CHAF1B: variants seen among roughly 807,000 people sequenced by gnomAD.
CHAF1B encodes the protein CAF-1 subunit B.
In CHAF1B, 10 loss-of-function variants were observed where a neutral mutation model predicts 60.7. That is an observed-to-expected ratio of 0.16 (90% CI 0.10 to 0.28). The LOEUF is 0.28. Ranked by LOEUF, CHAF1B falls within the 10% of genes least tolerant of loss-of-function variation. The pLI is 1.00. For synonymous variants in CHAF1B, 261 were observed against 266.1 expected, an observed-to-expected ratio of 0.98 and a Z score of 0.19; for missense variants, 558 against 708.4, an observed-to-expected ratio of 0.79 and a Z score of 2.41.
In CHAF1B at chr21:36,400,509, A is replaced by G. The variant is rs577213737; in HGVS notation, c.663+904A>G. Among the ~76,000 whole-genome samples the G allele has an allele frequency of 2.0e-5, 3 of 152,202 alleles. No individual in the cohort carries two copies. The East Asian group carries it at 5.8e-4, about 29-fold the overall frequency. The stretch of plus-strand genomic sequence containing the variant: ...TAAATAAAAATAAAATAAAAATAAA[A>G]ATATGGATGCCTTGGCCCCAACCTG... On this transcript the variant is annotated intron_variant, in intron 7 of 13. Coordinates refer to ENST00000314103, the MANE Select transcript of CHAF1B (RefSeq NM_005441.3).
In CHAF1B at chr21:36,418,891, T is replaced by A. The variant is rs919830591; in HGVS notation, c.*2525T>A. 1.6e-4 allele frequency: 25 copies of A among 152,030 alleles called. No individual in the cohort carries two copies. The highest frequency in any genetic ancestry group is 5.1e-4 in the African/African-American group (21 of 41,382). The allele number at this position is 152,030 out of a possible 1,614,324, so 9.4% of individuals were successfully genotyped here. A position where few individuals can be genotyped will look rare whatever the true frequency, so the allele number is the denominator to read the frequency against. Reference sequence around the variant, plus strand: ...GAAAAAGAAGAACAGTATTAGGTTTTACAAATCTGTTTCTTGTGCATTGAT... The same window carrying A: ...GAAAAAGAAGAACAGTATTAGGTTTAACAAATCTGTTTCTTGTGCATTGAT... On this transcript the variant is annotated 3_prime_UTR_variant, in exon 14 of 14. Transcript: ENST00000314103.
intron 11 of CHAF1B, among the ~76,000 whole-genome samples, 156 bp downstream of exon 11, chr21:36,411,760 ACT>A (rs112147556): frequency 2.0e-5 from 3 of 151,662 alleles, no homozygotes; most frequent in East Asian, 1.9e-4. Context: ...ACCAAGTATC[ACT>A]CTGTCACCCG....
In CHAF1B at chr21:36,386,077, C is replaced by G. The variant is rs2086029616; in HGVS notation, c.-60C>G. 1.2e-6 allele frequency: 2 copies of G among 1,602,610 alleles called. No individual in the cohort carries two copies. Among genetic ancestry groups the G allele is most frequent in the Non-Finnish European group, 1.7e-6 (2 of 1,172,714 alleles). ...ATCACCAGCATTTTGCAGCTTTCTCCTGTCTTGAAGAAGTAGAACGGTGCC... is the reference window on the plus strand; with the variant it reads ...ATCACCAGCATTTTGCAGCTTTCTCGTGTCTTGAAGAAGTAGAACGGTGCC... On this transcript the variant is annotated 5_prime_UTR_variant, in exon 2 of 14. Transcript: ENST00000314103.
At position 36,408,344 on chromosome 21, in the gene CHAF1B, A is replaced by G. The variant is rs577834157; in HGVS notation, c.758-417A>G. 3.2e-3 allele frequency among the ~76,000 whole-genome samples: 494 copies of G among 152,288 alleles called. 5 individuals are homozygous for G. The highest frequency in any genetic ancestry group is 3.3e-3 in the East Asian group (17 of 5,164). ...GGGAAGTTGGGGAAAGGCGAGTCTC[A>G]GCCTTTGGATGGCATCCAAGGCTGG... On this transcript the variant is annotated intron_variant, in intron 8 of 13. Coordinates refer to ENST00000314103, the MANE Select transcript of CHAF1B (RefSeq NM_005441.3).
At position 36,387,733 on chromosome 21, in the gene CHAF1B, G is replaced by A; in HGVS notation, c.259+3G>A. 6.2e-7 allele frequency: 1 copy of A among 1,613,790 alleles called. No individual in the cohort carries two copies. Among genetic ancestry groups the A allele is most frequent in the Non-Finnish European group, 8.5e-7 (1 of 1,179,836 alleles). ...AATTTTAGCATCGGGAGGAGATGGT[G>A]AGTATTGCTGTCCTTCAGAGATTCT... is the stretch of plus-strand genomic sequence containing the variant. On this transcript the variant is annotated splice_donor_region_variant and intron_variant, in intron 3 of 13. Coordinates refer to ENST00000314103, the MANE Select transcript of CHAF1B (RefSeq NM_005441.3).
Position 36,409,462 on chromosome 21 carries a change from A to G in CHAF1B, c.916A>G (p.Thr306Ala). Residue 306 changes from threonine (T) to alanine (A), a missense_variant, in exon 10 of 14, where the codon ACA becomes GCA. By Grantham distance (58) the Thr-to-Ala change is moderately conservative. Around this residue, in one of 2 missense-constraint regions of CHAF1B, gnomAD observed 325 missense variants for 493.5 expected, o/e 0.66. Transcript: ENST00000314103. ...CTTTGAACTGAGGCCAGTGGTGGAAACAGGTATCCTCAGAGCCTCAGGGGT... is the reference window on the plus strand; with the variant it reads ...CTTTGAACTGAGGCCAGTGGTGGAAGCAGGTATCCTCAGAGCCTCAGGGGT... Reference protein sequence around the residue: ...VYFELRPVVETGVELMSLPYR... With the variant: ...VYFELRPVVEAGVELMSLPYR... The G allele has an allele frequency of 6.2e-7, 1 of 1,611,964 alleles. No individual in the cohort carries two copies. Among genetic ancestry groups the G allele is most frequent in the Non-Finnish European group, 8.5e-7 (1 of 1,178,210 alleles).
At chr21:36,414,335 C>T (rs1338070039) in intron 12 of CHAF1B, among the ~76,000 whole-genome samples, 1 of 152,200 alleles carries the variant, frequency 6.6e-6, no homozygotes, top group African/African-American at 2.4e-5. Flanking sequence ...TCAGCCTCTC[C>T]TGCGCCAATA....
At position 36,394,649 on chromosome 21, in the gene CHAF1B, A is replaced by G; in HGVS notation, c.480A>G (p.Lys160=). The G allele has an allele frequency of 1.3e-6, 2 of 1,592,634 alleles. No individual in the cohort carries two copies. Among genetic ancestry groups the G allele is most frequent in the Non-Finnish European group, 1.7e-6 (2 of 1,164,020 alleles). Residue 160 remains lysine (K), a splice_region_variant and synonymous_variant, in exon 5 of 14, where the codon AAA becomes AAG. Transcript: ENST00000314103. ...CAGCCATCATATGGGATGTCAGCAA[A>G]GGTAAATGATATATTTTTGTTATTA... The part of the protein sequence containing the change: ...DNTAIIWDVS[K]GQKISIFNEH...
chr21:36,401,061 G>A (rs2086183401), intron 7 of CHAF1B, among the ~76,000 whole-genome samples: 1 of 152,044 alleles, frequency 6.6e-6, no homozygotes, highest in Non-Finnish European at 1.5e-5. Flanking sequence ...GAGGTCAGGA[G>A]TTCGAGACTA....
intron 7 of CHAF1B, among the ~76,000 whole-genome samples, chr21:36,402,074 G>C (rs956145866): frequency 6.6e-6 from 1 of 152,104 alleles, no homozygotes; most frequent in African/African-American, 2.4e-5. Context: ...AGTAAAAACT[G>C]TCCCAGACAG....
chr21:36,411,308 T>C (rs2053462055), intron 10 of CHAF1B, among the ~76,000 whole-genome samples, 155 bp from the exon 11 acceptor site: 1 of 152,022 alleles, frequency 6.6e-6, no homozygotes, highest in South Asian at 2.1e-4. Context: ...GAGACGGGGT[T>C]TTGCCATGTT....
Position 36,416,965 on chromosome 21 carries a change from T to G in CHAF1B, c.*599T>G, listed in dbSNP as rs1412759153. The G allele has an allele frequency of 2.6e-5, 4 of 152,184 alleles. No homozygotes were observed. Among genetic ancestry groups the G allele is most frequent in the Non-Finnish European group, 5.9e-5 (4 of 68,022 alleles). 9.4% of individuals were successfully genotyped at this position (152,184 alleles called of 1,614,324 possible). On this transcript the variant is annotated 3_prime_UTR_variant, in exon 14 of 14. Transcript: ENST00000314103. ...AATGTTGTAGTATATTTCCTTAGCA[T>G]TTTTGTGGATCTATTTATTCTAAAA...
intron 4 of CHAF1B, among the ~76,000 whole-genome samples, chr21:36,392,634 G>C (rs2086100317): frequency 6.7e-6 from 1 of 149,414 alleles, no homozygotes; most frequent in Non-Finnish European, 1.5e-5. Flanking sequence ...GGGCGGAGGG[G>C]CTCCTCTCTT....
At chr21:36,389,800 T>TGTGTGCGCGCGCGCGCGCGCGC in intron 3 of CHAF1B, among the ~76,000 whole-genome samples, 73 of 124,784 alleles carry the variant, frequency 5.9e-4, no homozygotes, top group African/African-American at 2.6e-3. Context: ...TGTGTGTGTG[T>TGTGTGCGCGCGCGCGCGCGCGC]GCGCGCGCAC....
chr21:36,411,118 T>C (rs1406864677), intron 10 of CHAF1B, among the ~76,000 whole-genome samples: 1 of 2,412 alleles, frequency 4.1e-4, no homozygotes, highest in Non-Finnish European at 3.0e-3. Context: ...TAAATATTCT[T>C]TTTTTTTTTT....
At chr21:36,407,663 G>C (rs944667853) in intron 8 of CHAF1B, among the ~76,000 whole-genome samples, 1 of 152,004 alleles carries the variant, frequency 6.6e-6, no homozygotes, top group Non-Finnish European at 1.5e-5. Context: ...GGATTTCTTG[G>C]GGATGGAAGA....
chr21:36,401,222 G>A (rs1002691939), intron 7 of CHAF1B, among the ~76,000 whole-genome samples: 27 of 150,820 alleles, frequency 1.8e-4, no homozygotes, highest in African/African-American at 6.6e-4. Flanking sequence ...AGCCGAGATT[G>A]CGCCATTGCA....
chr21:36,388,317 CTT>C (rs1247721248), intron 3 of CHAF1B, among the ~76,000 whole-genome samples: 4 of 152,172 alleles, frequency 2.6e-5, no homozygotes, highest in African/African-American at 9.7e-5. Context: ...TGGAAAGGCA[CTT>C]ACCATTCTGT....
intron 12 of CHAF1B, among the ~76,000 whole-genome samples, chr21:36,414,209 C>T (rs2086300473): frequency 6.6e-6 from 1 of 152,210 alleles, no homozygotes; most frequent in East Asian, 1.9e-4. Context: ...GTTCCTTCTC[C>T]ACCAAGCCCT....
Sources: allele counts gnomAD v4.1 joint callset (sites outside exome capture counted in the v4.1 genomes callset), GRCh38; gene constraint gnomAD v4.1.1; regional missense constraint gnomAD v4.1.1; transcripts MANE v1.5; gene names NCBI Gene and HGNC (gene_info 2026-07-23, HGNC 2026-07-21).